The following COX6B1 variants were observed in gnomAD, a reference collection of about 807,000 sequenced individuals.
COX6B1 encodes cytochrome c oxidase subunit 6B1, also known as COX VIb-1.
In COX6B1, 2 loss-of-function variants were observed where a neutral mutation model predicts 14.0. That is an observed-to-expected ratio of 0.14 (90% CI 0.06 to 0.45). The LOEUF is 0.45. Among genes scored for constraint, COX6B1 ranks in the 20% least tolerant of loss-of-function variants. The probability of loss-of-function intolerance (pLI) is 0.98; values close to 1 mark genes in which losing one functional copy is unlikely to be tolerated. For synonymous variants in COX6B1, 30 were observed against 39.7 expected, an observed-to-expected ratio of 0.76 and a Z score of 0.92; for missense variants, 81 against 114.2, an observed-to-expected ratio of 0.71 and a Z score of 1.33.
At chr19:35,657,905 C>T (rs1967904895) in intron 3 of COX6B1, among the ~76,000 whole-genome samples, 1 of 152,112 alleles carries the variant, frequency 6.6e-6, no homozygotes, top group Admixed American at 6.6e-5. Flanking sequence ...GATCCTCCCA[C>T]CTTTGCCTCC....
chr19:35,649,479 AT>A (rs59460933), intron 1 of COX6B1, among the ~76,000 whole-genome samples: 13,162 of 135,010 alleles, frequency 0.097, 556 homozygotes, highest in East Asian at 0.12. Context: ...GCTAATTTTA[AT>A]TTTTTTTTTT....
At chr19:35,652,608 G>GT (rs1967838962) in intron 2 of COX6B1, among the ~76,000 whole-genome samples, 4 of 119,316 alleles carry the variant, frequency 3.4e-5, no homozygotes, top group African/African-American at 6.5e-5. Context: ...CTAATTTTTT[G>GT]TATTTTTTTT....
chr19:35,650,893 G>C (rs1967816834), intron 1 of COX6B1, among the ~76,000 whole-genome samples: 1 of 152,050 alleles, frequency 6.6e-6, no homozygotes, highest in Admixed American at 6.6e-5. Flanking sequence ...TCCTCGTCTG[G>C]GCAATGGTGA....
At chr19:35,656,479 CTTTT>C (rs371195079) in intron 3 of COX6B1, among the ~76,000 whole-genome samples, 4 of 122,594 alleles carry the variant, frequency 3.3e-5, no homozygotes, top group African/African-American at 6.4e-5. Context: ...GTTGTTAGAC[CTTTT>C]TTTTTTTTTT....
intron 3 of COX6B1, among the ~76,000 whole-genome samples, chr19:35,655,820 T>G (rs374063640): frequency 6.8e-6 from 1 of 147,430 alleles, no homozygotes; most frequent in East Asian, 2.1e-4. Flanking sequence ...TTGCTCTCTT[T>G]CTCTCTCGCT....
intron 2 of COX6B1, 49 bp downstream of exon 2, chr19:35,651,398 G>A (rs1967823373): frequency 2.1e-6 from 3 of 1,443,878 alleles, no homozygotes; most frequent in Middle Eastern, 3.5e-4. Flanking sequence ...CTCACCGCTT[G>A]CCTCTTCCTA....
chr19:35,649,047 C>G (rs541473156), intron 1 of COX6B1: 12 of 441,238 alleles, frequency 2.7e-5, no homozygotes, highest in Non-Finnish European at 3.8e-5. Flanking sequence ...CTGCAAGTCT[C>G]TGTATAGCCC....
chr19:35,657,512 C>A (rs1967899509), intron 3 of COX6B1, among the ~76,000 whole-genome samples: 2 of 151,952 alleles, frequency 1.3e-5, no homozygotes, highest in South Asian at 4.2e-4. Context: ...GCTCGGGGAC[C>A]CCTGCCTTAT....
chr19:35,651,367 C>G lies in COX6B1; in HGVS notation c.106+18C>G. 2 of 1,587,584 alleles carry G rather than the reference C, an allele frequency of 1.3e-6. No homozygotes were observed. Among genetic ancestry groups the G allele is most frequent in the Non-Finnish European group, 1.7e-6 (2 of 1,156,118 alleles). On this transcript the variant is annotated intron_variant, in intron 2 of 3. Transcript: ENST00000649813. ...CTACCTGGGTAAGCAGGACCTTTCC[C>G]TGGCCACATACCTCGAGTCACTCAC... is the stretch of plus-strand genomic sequence containing the variant.
At chr19:35,651,441 A>G (rs1230219454) in intron 2 of COX6B1, 92 bp downstream of exon 2, 3 of 900,894 alleles carry the variant, frequency 3.3e-6, no homozygotes, top group Non-Finnish European at 5.4e-6. Flanking sequence ...CCTCCCTTTT[A>G]TTCTGAACAT....
At chr19:35,653,781 C>G (rs1051933009) in intron 2 of COX6B1, among the ~76,000 whole-genome samples, 2 of 147,328 alleles carry the variant, frequency 1.4e-5, no homozygotes, top group Non-Finnish European at 3.0e-5. Flanking sequence ...GGGGTTTCAC[C>G]GTGGTCTCTA....
intron 1 of COX6B1, among the ~76,000 whole-genome samples, 198 bp from the exon 2 acceptor site, chr19:35,651,035 G>A (rs1967818637): frequency 6.6e-6 from 1 of 152,158 alleles, no homozygotes; most frequent in Admixed American, 6.5e-5. Context: ...CTGAGGAGTT[G>A]TACCCCAACC....
At chr19:35,654,121 T>C (rs1233883258) in intron 2 of COX6B1, among the ~76,000 whole-genome samples, 1 of 152,274 alleles carries the variant, frequency 6.6e-6, no homozygotes, top group Non-Finnish European at 1.5e-5. Context: ...GCATATAGCT[T>C]GCTCATTTTC....
Position 35,651,343 on chromosome 19 carries a change from T to C in COX6B1, c.100T>C (p.Tyr34His). The change falls in exon 2 of 4, where the codon TAC becomes CAC. Residue 34 changes from tyrosine to histidine, a missense_variant. Coordinates refer to ENST00000649813, the MANE Select transcript of COX6B1 (RefSeq NM_001863.5). ...QNQTRNCWQN[Y>H]LDFHRCQKAM... ...CCAGACTAGAAACTGCTGGCAGAACTACCTGGGTAAGCAGGACCTTTCCCT... is the reference window on the plus strand; with the variant it reads ...CCAGACTAGAAACTGCTGGCAGAACCACCTGGGTAAGCAGGACCTTTCCCT... 1 of 1,613,332 alleles carries C rather than the reference T, an allele frequency of 6.2e-7. No individual in the cohort carries two copies. Among genetic ancestry groups the C allele is most frequent in the Non-Finnish European group, 8.5e-7 (1 of 1,179,352 alleles).
At chr19:35,656,164 T>A (rs1336792001) in intron 3 of COX6B1, among the ~76,000 whole-genome samples, 1 of 152,206 alleles carries the variant, frequency 6.6e-6, no homozygotes. Context: ...ACCCTTTAAC[T>A]TGGCAATTCC....
chr19:35,657,033 A>G (rs897260631), intron 3 of COX6B1, among the ~76,000 whole-genome samples: 5 of 152,130 alleles, frequency 3.3e-5, no homozygotes. Flanking sequence ...GATGAGCTTC[A>G]TGGAAGACAG....
At chr19:35,652,963 T>C (rs1967844662) in intron 2 of COX6B1, among the ~76,000 whole-genome samples, 1 of 146,146 alleles carries the variant, frequency 6.8e-6, no homozygotes. Flanking sequence ...CACACCCAGC[T>C]AATTTTTTTT....
At chr19:35,653,431 C>T (rs1375555779) in intron 2 of COX6B1, among the ~76,000 whole-genome samples, 2 of 150,072 alleles carry the variant, frequency 1.3e-5, no homozygotes, top group Non-Finnish European at 3.0e-5. Flanking sequence ...TGCCACCATG[C>T]CCGGCTAATT....
rs1271906838 is a variant in COX6B1, at chr19:35,651,249, G to A, written c.6G>A (p.Ala2=). The A allele has an allele frequency of 1.1e-5, 18 of 1,613,114 alleles. No homozygotes were observed. The highest frequency in any genetic ancestry group is 1.6e-4 in the Middle Eastern group (1 of 6,084). The change falls in exon 2 of 4, where the codon GCG becomes GCA. Residue 2 remains alanine, a synonymous_variant. Transcript: ENST00000649813. ...CGCCTCCAGGATTCAGCACCATGGC[G>A]GAAGACATGGAGACCAAAATCAAGA... M[A]EDMETKIKNY...
Sources: allele counts gnomAD v4.1 joint callset (sites outside exome capture counted in the v4.1 genomes callset), GRCh38; gene constraint gnomAD v4.1.1; transcripts MANE v1.5; gene names NCBI Gene and HGNC (gene_info 2026-07-23, HGNC 2026-07-21).